ARHGAP21: variants seen among roughly 807,000 people sequenced by gnomAD.
The protein encoded by ARHGAP21 is rho GTPase-activating protein 21.
In ARHGAP21, 38 loss-of-function variants were observed where a neutral mutation model predicts 164.6. The observed-to-expected ratio is 0.23, with a 90% CI of 0.18 to 0.30. The LOEUF (loss-of-function observed/expected upper bound fraction) is 0.30. Among genes scored for constraint, ARHGAP21 ranks in the 10% least tolerant of loss-of-function variants. ARHGAP21 has a pLI of 1.00. For missense variants in ARHGAP21, 1,822 were observed against 2,370.7 expected (o/e 0.77, Z 4.81); for synonymous variants, 766 against 857.9 (o/e 0.89, Z 1.87).
intron 4 of ARHGAP21, among the ~76,000 whole-genome samples, chr10:24,650,035 AAAG>A (rs772399573): frequency 2.0e-5 from 3 of 152,178 alleles, no homozygotes; most frequent in East Asian, 3.8e-4. Context: ...GAAAGACAAA[AAAG>A]AAGAAGAAAA....
chr10:24,722,824 G>T (rs1164789042), intron 1 of ARHGAP21: 1 of 151,928 alleles, frequency 6.6e-6, no homozygotes, highest in Non-Finnish European at 1.5e-5. Context: ...TTGGCCCGCG[G>T]CGGGGCTGGG....
intron 4 of ARHGAP21, among the ~76,000 whole-genome samples, chr10:24,654,108 G>GT (rs757106382): frequency 3.3e-4 from 50 of 152,076 alleles, no homozygotes; most frequent in Non-Finnish European, 6.5e-4. Context: ...AATAAATTAA[G>GT]TATTGATGGG....
chr10:24,723,431 C>G (rs1163807497), intron 1 of ARHGAP21, 131 bp downstream of exon 1: 2 of 147,208 alleles, frequency 1.4e-5, no homozygotes, highest in South Asian at 4.2e-4. Flanking sequence ...CGGGCTCCCT[C>G]CGGCCCCGAG....
At chr10:24,713,117 G>A (rs1844999138) in intron 2 of ARHGAP21, among the ~76,000 whole-genome samples, 1 of 152,154 alleles carries the variant, frequency 6.6e-6, no homozygotes, top group South Asian at 2.1e-4. Flanking sequence ...TGAGTAAGGA[G>A]AAAATCAGGA....
At chr10:24,694,697 T>C (rs985295017) in intron 2 of ARHGAP21, among the ~76,000 whole-genome samples, 4 of 152,194 alleles carry the variant, frequency 2.6e-5, no homozygotes, top group Admixed American at 2.0e-4. Context: ...TTGTATTCTT[T>C]CACTGTAATA....
chr10:24,586,940 C>G (rs1440636503), intron 25 of ARHGAP21, among the ~76,000 whole-genome samples: 1 of 151,892 alleles, frequency 6.6e-6, no homozygotes, highest in Non-Finnish European at 1.5e-5. Flanking sequence ...CTTGGGAGGC[C>G]GAGGTCAGAG....
At chr10:24,606,354 A>AT (rs1178072884) in intron 11 of ARHGAP21, among the ~76,000 whole-genome samples, 3 of 152,232 alleles carry the variant, frequency 2.0e-5, no homozygotes, top group Admixed American at 2.0e-4. Context: ...AGAAGAATCC[A>AT]TAGAAAATAG....
At chr10:24,701,518 G>C in intron 2 of ARHGAP21, among the ~76,000 whole-genome samples, 1 of 152,006 alleles carries the variant, frequency 6.6e-6, no homozygotes, top group Middle Eastern at 3.2e-3. Context: ...CATGTGAATA[G>C]AACCCTAAAG....
chr10:24,654,728 C>G lies in ARHGAP21; in HGVS notation c.268+12257G>C, dbSNP rs188970255. On this transcript the variant is annotated intron_variant, in intron 4 of 25. Transcript: ENST00000396432. Reference sequence around the variant, plus strand: ...TTTATAGATTCAATGCCATCCCCATCAAACTAACAATGACTTTCTTCACAG... The same window carrying G: ...TTTATAGATTCAATGCCATCCCCATGAAACTAACAATGACTTTCTTCACAG... Among the ~76,000 whole-genome samples, 17 of 152,322 alleles carry G rather than the reference C, an allele frequency of 1.1e-4. No homozygotes were observed. In the East Asian group the frequency reaches 3.1e-3, roughly 28 times the overall value.
Position 24,634,950 on chromosome 10 carries a change from T to C in ARHGAP21, c.361+61A>G, listed in dbSNP as rs556860596. The C allele has an allele frequency of 6.4e-6, 8 of 1,248,516 alleles. No individual in the cohort carries two copies. In the South Asian group the frequency reaches 6.9e-5, roughly 11 times the overall value. 77.3% of individuals were successfully genotyped at this position (1,248,516 alleles called of 1,614,324 possible). On this transcript the variant is annotated intron_variant, in intron 5 of 25. Transcript: ENST00000396432. ...AAAGGAAAAAATATCGAACATGAAA[T>C]ATGGAAGAAATAAAGTGAAAAAGAA... is the stretch of plus-strand genomic sequence containing the variant.
chr10:24,590,071 A>G (rs1156717231), intron 24 of ARHGAP21: 2 of 737,220 alleles, frequency 2.7e-6, no homozygotes, highest in Non-Finnish European at 3.6e-6. Context: ...AATATTCAGG[A>G]TAATACCAAT....
At chr10:24,591,366 T>TTCAAAGATA (rs1175738657) in intron 23 of ARHGAP21, 36 bp from the exon 24 acceptor site, 1 of 1,518,508 alleles carries the variant, frequency 6.6e-7, no homozygotes, top group Middle Eastern at 1.8e-4. Flanking sequence ...TCATCATCTC[T>TTCAAAGATA]TCAAAGATAC....
At position 24,621,377 on chromosome 10, in the gene ARHGAP21, G is replaced by C. The variant is rs1272406840; in HGVS notation, c.526-8C>G. ...GGCATCTTGAGAATATGCCTGTATA[G>C]AAATGAGAGGAAGGTGTCACTGGAA... On this transcript the variant is annotated splice_polypyrimidine_tract_variant and splice_region_variant and intron_variant, in intron 8 of 25. Coordinates refer to ENST00000396432, the MANE Select transcript of ARHGAP21 (RefSeq NM_020824.4). 2 of 1,565,214 alleles carry C rather than the reference G, an allele frequency of 1.3e-6. No individual in the cohort carries two copies. The highest frequency in any genetic ancestry group is 1.7e-6 in the Non-Finnish European group (2 of 1,154,938).
intron 4 of ARHGAP21, among the ~76,000 whole-genome samples, chr10:24,658,099 G>C (rs1157764495): frequency 1.3e-5 from 2 of 149,776 alleles, no homozygotes; most frequent in Non-Finnish European, 3.0e-5. Flanking sequence ...ACCATCAAGA[G>C]AAATGCAAAT....
rs1048635696 is a variant in ARHGAP21, at chr10:24,643,209, T to C, written c.269-8106A>G. ...GTGCCAGGCATTGATTATCCTACAA[T>C]GAACAAAGAATCCTGGCATCTGCCT... On this transcript the variant is annotated intron_variant, in intron 4 of 25. Transcript: ENST00000396432. 3.3e-5 allele frequency among the ~76,000 whole-genome samples: 5 copies of C among 152,224 alleles called. No homozygotes were observed. In the East Asian group the frequency reaches 9.6e-4, roughly 29 times the overall value.
At chr10:24,603,099 T>C (rs1298855627) in intron 12 of ARHGAP21, among the ~76,000 whole-genome samples, 2 of 152,002 alleles carry the variant, frequency 1.3e-5, no homozygotes, top group Non-Finnish European at 2.9e-5. Flanking sequence ...CATGTAAACT[T>C]TGGGAGACCT....
chr10:24,663,148 T>C (rs544209902), intron 4 of ARHGAP21, among the ~76,000 whole-genome samples: 9 of 152,292 alleles, frequency 5.9e-5, no homozygotes, highest in African/African-American at 2.2e-4. Flanking sequence ...ATTTACATCC[T>C]TTATGGACTT....
intron 24 of ARHGAP21, chr10:24,590,225 G>T (rs1022593250): frequency 2.5e-5 from 36 of 1,462,770 alleles, no homozygotes; most frequent in Non-Finnish European, 3.0e-5. Flanking sequence ...TCTCCTCAGG[G>T]TCTGCTTCAG....
chr10:24,646,032 C>A (rs1367402603), intron 4 of ARHGAP21, among the ~76,000 whole-genome samples: 2 of 152,104 alleles, frequency 1.3e-5, no homozygotes, highest in African/African-American at 4.8e-5. Context: ...GAGTGGCTCA[C>A]AGGACTGACT....
Sources: gnomAD v4.1 joint callset for allele counts (sites outside exome capture counted in the v4.1 genomes callset) on GRCh38, gnomAD v4.1.1 for gene constraint, MANE v1.5 for transcripts, NCBI Gene and HGNC (gene_info 2026-07-23, HGNC 2026-07-21) for gene names.